COLGALT2: variants seen among roughly 807,000 people sequenced by gnomAD.
The protein encoded by COLGALT2 is collagen beta(1-O)galactosyltransferase 2, also known as procollagen galactosyltransferase 2.
In COLGALT2, 49 loss-of-function variants were observed where a neutral mutation model predicts 73.4. The observed-to-expected ratio is 0.67, with a 90% CI of 0.53 to 0.85. COLGALT2 has a LOEUF of 0.85. Ranked by LOEUF, COLGALT2 falls within the 40% of genes least tolerant of loss-of-function variation. The probability of loss-of-function intolerance (pLI) is 0.00; values close to 1 mark genes in which losing one functional copy is unlikely to be tolerated. For synonymous variants in COLGALT2, 295 were observed against 307.6 expected (o/e 0.96, Z 0.43); for missense variants, 722 against 790.2 (o/e 0.91, Z 1.03).
At chr1:184,028,624 A>T (rs1306621655) in intron 1 of COLGALT2, among the ~76,000 whole-genome samples, 1 of 152,214 alleles carries the variant, frequency 6.6e-6, no homozygotes, top group Non-Finnish European at 1.5e-5. Flanking sequence ...GTAATGAACT[A>T]TTCCAATAAA....
intron 1 of COLGALT2, among the ~76,000 whole-genome samples, chr1:184,035,180 T>A (rs1649634560): frequency 6.6e-6 from 1 of 152,218 alleles, no homozygotes; most frequent in Admixed American, 6.5e-5. Context: ...TACAGGGAAC[T>A]TAGGATGTAC....
rs562321705 is a variant in COLGALT2, at chr1:183,944,134, T to C, written c.1397+62A>G. ...TACTGGCTGTGGAGGTGGGGCTCTCTGCGCATTGGAAAGGACTGAGTGCCT... is the reference window on the plus strand; with the variant it reads ...TACTGGCTGTGGAGGTGGGGCTCTCCGCGCATTGGAAAGGACTGAGTGCCT... On this transcript the variant is annotated intron_variant, in intron 10 of 11. Transcript: ENST00000361927. The C allele has an allele frequency of 8.3e-5, 127 of 1,523,950 alleles. No individual in the cohort carries two copies. In the South Asian group the frequency reaches 1.5e-3, roughly 18 times the overall value. The allele number at this position is 1,523,950 out of a possible 1,614,324, so 94.4% of individuals were successfully genotyped here. A position where few individuals can be genotyped will look rare whatever the true frequency, so the allele number is the denominator to read the frequency against.
intron 6 of COLGALT2, among the ~76,000 whole-genome samples, chr1:183,963,125 A>AG (rs1670761476): frequency 6.6e-6 from 1 of 152,240 alleles, no homozygotes; most frequent in African/African-American, 2.4e-5. Flanking sequence ...TAAAAAGCAT[A>AG]GCTACTGATG....
intron 11 of COLGALT2, among the ~76,000 whole-genome samples, chr1:183,939,474 C>T (rs540644732): frequency 6.6e-6 from 1 of 152,286 alleles, no homozygotes; most frequent in Admixed American, 6.5e-5. Flanking sequence ...GCTCTAGCTC[C>T]CTGCTCACCA....
intron 11 of COLGALT2, among the ~76,000 whole-genome samples, chr1:183,930,569 CTTTTTTTTTTTTT>C (rs397861890): frequency 1.7e-3 from 199 of 114,076 alleles, no homozygotes; most frequent in African/African-American, 6.4e-3. Flanking sequence ...TTTTCTTTTT[CTTTTTTTTTTTTT>C]TTTTTTTTGT....
chr1:183,962,154 C>CTTTTTTTTTTTTTTTTTTTTTTTTTTT (rs34873073), intron 6 of COLGALT2, among the ~76,000 whole-genome samples: 4 of 85,540 alleles, frequency 4.7e-5, no homozygotes, highest in East Asian at 4.0e-4. Flanking sequence ...TTTTCTCTTT[C>CTTTTTTTTTTTTTTTTTTTTTTTTTTT]TTTTTTTTTT....
At chr1:184,021,445 G>C (rs1312612632) in intron 1 of COLGALT2, among the ~76,000 whole-genome samples, 1 of 152,096 alleles carries the variant, frequency 6.6e-6, no homozygotes, top group Non-Finnish European at 1.5e-5. Flanking sequence ...ATTGAATGAG[G>C]GGGTTTGTTA....
At chr1:183,988,249 A>C (rs1425971981) in intron 1 of COLGALT2, among the ~76,000 whole-genome samples, 1 of 152,234 alleles carries the variant, frequency 6.6e-6, no homozygotes, top group Non-Finnish European at 1.5e-5. Flanking sequence ...GCACCACAGA[A>C]TGAGTGTAAG....
intron 3 of COLGALT2, among the ~76,000 whole-genome samples, chr1:183,974,155 C>T (rs1453502993): frequency 6.6e-6 from 1 of 152,192 alleles, no homozygotes; most frequent in African/African-American, 2.4e-5. Context: ...ATAGTAATGC[C>T]AGAGTAGCTC....
chr1:183,977,390 G>A (rs1671225242), intron 2 of COLGALT2, among the ~76,000 whole-genome samples: 2 of 150,848 alleles, frequency 1.3e-5, no homozygotes, highest in African/African-American at 4.9e-5. Context: ...AGAATTGCTT[G>A]AACCCAGGAG....
At chr1:184,019,437 T>C (rs1471485075) in intron 1 of COLGALT2, among the ~76,000 whole-genome samples, 3 of 152,204 alleles carry the variant, frequency 2.0e-5, no homozygotes, top group African/African-American at 4.8e-5. Flanking sequence ...CCTTTACCTA[T>C]ACTTGGGCCT....
At chr1:183,951,823 T>C (rs1670409547) in intron 7 of COLGALT2, among the ~76,000 whole-genome samples, 1 of 152,160 alleles carries the variant, frequency 6.6e-6, no homozygotes, top group Non-Finnish European at 1.5e-5. Flanking sequence ...AAATGACATT[T>C]TTCATAGAAC....
chr1:183,985,235 G>A (rs1299194297), intron 1 of COLGALT2, among the ~76,000 whole-genome samples: 3 of 152,140 alleles, frequency 2.0e-5, no homozygotes, highest in Non-Finnish European at 4.4e-5. Context: ...GGATCTCTCA[G>A]CAGGTGGGAC....
chr1:183,946,591 A>T (rs905390085), intron 8 of COLGALT2: 1 of 152,236 alleles, frequency 6.6e-6, no homozygotes, highest in African/African-American at 2.4e-5. Flanking sequence ...AAAAGACAAA[A>T]ATAGGTTGAA....
intron 1 of COLGALT2, among the ~76,000 whole-genome samples, chr1:184,010,179 C>A (rs1323562037): frequency 6.6e-6 from 1 of 152,120 alleles, no homozygotes; most frequent in Non-Finnish European, 1.5e-5. Flanking sequence ...GACTACATAC[C>A]CCGACTCAAG....
At chr1:184,018,575 T>G (rs953029547) in intron 1 of COLGALT2, among the ~76,000 whole-genome samples, 1 of 152,170 alleles carries the variant, frequency 6.6e-6, no homozygotes, top group Non-Finnish European at 1.5e-5. Context: ...CATAGGAAAT[T>G]TTTTCATTGC....
At chr1:183,974,728 T>C (rs1197723927) in intron 3 of COLGALT2, among the ~76,000 whole-genome samples, 1 of 152,234 alleles carries the variant, frequency 6.6e-6, no homozygotes, top group Admixed American at 6.5e-5. Context: ...ATCACTTTTT[T>C]AGATAATTAC....
chr1:183,988,730 C>T (rs1162485228), intron 1 of COLGALT2, among the ~76,000 whole-genome samples: 1 of 152,074 alleles, frequency 6.6e-6, no homozygotes, highest in Non-Finnish European at 1.5e-5. Flanking sequence ...TTTGTTTATT[C>T]ATTTATCAGT....
intron 8 of COLGALT2, among the ~76,000 whole-genome samples, chr1:183,950,147 C>T (rs1304784045): frequency 1.3e-5 from 2 of 152,168 alleles, no homozygotes; most frequent in East Asian, 1.9e-4. Context: ...CACCTTGAGG[C>T]TTCTTAAATG....
Sources: gnomAD v4.1 joint callset for allele counts (sites outside exome capture counted in the v4.1 genomes callset) on GRCh38, gnomAD v4.1.1 for gene constraint, MANE v1.5 for transcripts, NCBI Gene and HGNC (gene_info 2026-07-23, HGNC 2026-07-21) for gene names.